DSCAM: variants seen among roughly 807,000 people sequenced by gnomAD.
DSCAM encodes the protein DS cell adhesion molecule.
A neutral mutation model predicts 217.7 loss-of-function variants in DSCAM; 47 were observed. The observed-to-expected ratio is 0.22, with a 90% CI of 0.17 to 0.28. The LOEUF (loss-of-function observed/expected upper bound fraction) is 0.28, where lower values mean the gene tolerates loss of function less well. Among genes scored for constraint, DSCAM ranks in the 10% least tolerant of loss-of-function variants. DSCAM has a pLI of 1.00. For synonymous variants in DSCAM, 1,056 were observed against 1,015.3 expected (o/e 1.04, Z -0.76); for missense variants, 2,080 against 2,618.3 (o/e 0.79, Z 4.49).
chr21:40,051,660 A>T (rs984252772), intron 30 of DSCAM, among the ~76,000 whole-genome samples: 23 of 152,328 alleles, frequency 1.5e-4, no homozygotes, highest in Middle Eastern at 3.4e-3. Flanking sequence ...GCAGATACAC[A>T]CTAAAGTAGA....
intron 3 of DSCAM, among the ~76,000 whole-genome samples, chr21:40,538,963 A>C (rs780298562): frequency 2.0e-5 from 3 of 152,188 alleles, no homozygotes; most frequent in Non-Finnish European, 2.9e-5. Flanking sequence ...TCGTAAAATG[A>C]AGAGAAAAAC....
chr21:40,844,829 AC>A (rs1465148350), intron 1 of DSCAM, among the ~76,000 whole-genome samples: 1 of 152,212 alleles, frequency 6.6e-6, no homozygotes, highest in African/African-American at 2.4e-5. Context: ...GTAAATAAAT[AC>A]TGGCTGACTG....
chr21:40,534,607 T>C (rs1001230015), intron 3 of DSCAM, among the ~76,000 whole-genome samples: 132 of 152,316 alleles, frequency 8.7e-4, no homozygotes, highest in African/African-American at 3.1e-3. Flanking sequence ...TATCACCAAG[T>C]GTTCATTTTT....
intron 18 of DSCAM, among the ~76,000 whole-genome samples, chr21:40,136,941 A>G (rs185428249): frequency 1.3e-5 from 2 of 152,202 alleles, no homozygotes; most frequent in South Asian, 2.1e-4. Flanking sequence ...TCGGGAGGCC[A>G]AGGCGGGTGG....
intron 16 of DSCAM, among the ~76,000 whole-genome samples, chr21:40,148,056 T>G (rs983063043): frequency 6.6e-6 from 1 of 152,184 alleles, no homozygotes; most frequent in Non-Finnish European, 1.5e-5. Flanking sequence ...ATGTGCAATA[T>G]CATAGGGTAA....
chr21:40,559,427 T>C (rs929653185), intron 3 of DSCAM, among the ~76,000 whole-genome samples: 18 of 146,004 alleles, frequency 1.2e-4, no homozygotes, highest in Middle Eastern at 3.6e-3. Context: ...CACTGCACTC[T>C]GGCCCGGGCG....
chr21:40,787,125 T>A (rs769538548), intron 1 of DSCAM, among the ~76,000 whole-genome samples: 2 of 152,204 alleles, frequency 1.3e-5, no homozygotes, highest in Admixed American at 6.5e-5. Context: ...GCTGGGAAAG[T>A]ATTTCACAGA....
At chr21:40,766,183 G>A (rs967297406) in intron 1 of DSCAM, among the ~76,000 whole-genome samples, 7 of 152,142 alleles carry the variant, frequency 4.6e-5, no homozygotes, top group African/African-American at 1.4e-4. Flanking sequence ...AATCTACGGT[G>A]GGAAAGCACT....
At chr21:40,831,239 T>C (rs540801472) in intron 1 of DSCAM, among the ~76,000 whole-genome samples, 43 of 152,336 alleles carry the variant, frequency 2.8e-4, no homozygotes, top group Non-Finnish European at 4.9e-4. Context: ...CACATATGAG[T>C]AGCTGGCTTG....
At chr21:40,705,560 C>A (rs1459708378) in intron 2 of DSCAM, among the ~76,000 whole-genome samples, 1 of 152,148 alleles carries the variant, frequency 6.6e-6, no homozygotes, top group Non-Finnish European at 1.5e-5. Flanking sequence ...TGGCATAAGG[C>A]ACCTCTTCAC....
intron 3 of DSCAM, among the ~76,000 whole-genome samples, chr21:40,511,990 CAAAAAAAA>C (rs780829574): frequency 3.7e-4 from 10 of 26,792 alleles, no homozygotes; most frequent in African/African-American, 1.8e-3. Flanking sequence ...GACTCTGTCT[CAAAAAAAA>C]AAAAAAAAAA....
chr21:40,617,523 G>A (rs2089420298), intron 3 of DSCAM, among the ~76,000 whole-genome samples: 1 of 152,200 alleles, frequency 6.6e-6, no homozygotes, highest in Admixed American at 6.5e-5. Flanking sequence ...GCAGGACACT[G>A]GAGATCCACT....
At chr21:40,695,334 T>C (rs2090584457) in intron 2 of DSCAM, among the ~76,000 whole-genome samples, 2 of 152,080 alleles carry the variant, frequency 1.3e-5, no homozygotes, top group African/African-American at 4.8e-5. Flanking sequence ...TTCCCAGTGT[T>C]ACCACCCAAT....
chr21:40,340,738 G>A (rs112404870), intron 6 of DSCAM, among the ~76,000 whole-genome samples: 1 of 152,132 alleles, frequency 6.6e-6, no homozygotes, highest in Non-Finnish European at 1.5e-5. Flanking sequence ...AATCTCCATT[G>A]TTGAATATCT....
At position 40,083,960 on chromosome 21, in the gene DSCAM, G is replaced by C. The variant is rs765114349; in HGVS notation, c.4179C>G (p.Ser1393=). Residue 1393 remains serine (S), a synonymous_variant, in exon 24 of 33, where the codon TCC becomes TCG. Transcript: ENST00000400454. ...PRLTVSKTTS[S]SITLSWLPGD... The stretch of plus-strand genomic sequence containing the variant: ...CAGGGAGCCAAGAAAGGGTGATGGA[G>C]GAAGACGTGGTCTTGGAGACTGTAA... The C allele has an allele frequency of 6.2e-7, 1 of 1,613,872 alleles. No homozygotes were observed. The highest frequency in any genetic ancestry group is 1.1e-5 in the South Asian group (1 of 91,052).
intron 3 of DSCAM, among the ~76,000 whole-genome samples, chr21:40,690,122 G>A (rs1022340523): frequency 6.6e-6 from 1 of 152,146 alleles, no homozygotes. Context: ...AACCTCCTGA[G>A]CATGGTTTAT....
chr21:40,182,001 G>C (rs1417733963), intron 14 of DSCAM, among the ~76,000 whole-genome samples: 2 of 152,038 alleles, frequency 1.3e-5, no homozygotes, highest in Non-Finnish European at 2.9e-5. Context: ...GAGCTGACAG[G>C]AGCCAGTGAG....
At chr21:40,171,550 A>T (rs1212092553) in intron 15 of DSCAM, among the ~76,000 whole-genome samples, 2 of 151,910 alleles carry the variant, frequency 1.3e-5, no homozygotes, top group Non-Finnish European at 2.9e-5. Context: ...CTGAAGTGAA[A>T]GCATTTGGAT....
At chr21:40,452,170 C>A (rs2075725042) in intron 3 of DSCAM, among the ~76,000 whole-genome samples, 1 of 150,256 alleles carries the variant, frequency 6.7e-6, no homozygotes, top group African/African-American at 2.5e-5. Flanking sequence ...ACTATATGTA[C>A]TATATATAGA....
Sources: allele counts gnomAD v4.1 joint callset (sites outside exome capture counted in the v4.1 genomes callset), GRCh38; gene constraint gnomAD v4.1.1; transcripts MANE v1.5; gene names NCBI Gene and HGNC (gene_info 2026-07-23, HGNC 2026-07-21).